The following ANKFN1 variants were observed in gnomAD, a reference collection of about 807,000 sequenced individuals.
ANKFN1 encodes ankyrin repeat and fibronectin type-III domain-containing protein 1.
In ANKFN1, 74 loss-of-function variants were observed where a neutral mutation model predicts 108.7. That is an observed-to-expected ratio of 0.68 (90% confidence interval 0.56 to 0.83). The LOEUF is 0.83. ANKFN1 is among the 40% of genes least tolerant of loss of function. The pLI, the probability that ANKFN1 is intolerant of heterozygous loss-of-function variation, is 0.00. For synonymous variants in ANKFN1, 547 were observed against 516.2 expected (o/e 1.06, Z -0.81); for missense variants, 1,505 against 1,382.3 (o/e 1.09, Z -1.41).
chr17:56,100,732 AG>A (rs1905629921), intron 4 of ANKFN1, among the ~76,000 whole-genome samples: 1 of 152,218 alleles, frequency 6.6e-6, no homozygotes, highest in African/African-American at 2.4e-5. Context: ...CTGAAGCCTT[AG>A]ACCTGAGCAT....
chr17:56,469,875 A>G (rs907033262), intron 15 of ANKFN1, among the ~76,000 whole-genome samples: 2 of 151,542 alleles, frequency 1.3e-5, no homozygotes, highest in Admixed American at 6.6e-5. Context: ...TGCTGCACCT[A>G]TCAATCCATC....
chr17:56,251,923 A>C (rs2043244644), intron 3 of ANKFN1, among the ~76,000 whole-genome samples: 1 of 152,228 alleles, frequency 6.6e-6, no homozygotes, highest in Non-Finnish European at 1.5e-5. Flanking sequence ...TGCTTACTGC[A>C]TGCCTACTCT....
At chr17:56,499,931 T>C (rs1170496037) in intron 20 of ANKFN1, among the ~76,000 whole-genome samples, 4 of 152,210 alleles carry the variant, frequency 2.6e-5, no homozygotes, top group Admixed American at 6.5e-5. Context: ...GCTCCAATTT[T>C]GTAAGCTTCA....
At chr17:56,299,872 G>A (rs2044623642) in intron 3 of ANKFN1, among the ~76,000 whole-genome samples, 1 of 152,146 alleles carries the variant, frequency 6.6e-6, no homozygotes, top group Non-Finnish European at 1.5e-5. Flanking sequence ...TTGGCTAAAT[G>A]AATGAATGAA....
chr17:56,409,217 G>A (rs1012881236), intron 8 of ANKFN1, among the ~76,000 whole-genome samples: 40 of 152,096 alleles, frequency 2.6e-4, no homozygotes, highest in African/African-American at 9.4e-4. Context: ...GAGCCACCAG[G>A]CCTGGCCAAG....
intron 4 of ANKFN1, among the ~76,000 whole-genome samples, chr17:56,334,940 A>G (rs1475983770): frequency 6.6e-6 from 1 of 152,182 alleles, no homozygotes; most frequent in Non-Finnish European, 1.5e-5. Flanking sequence ...AGCTTTCTAC[A>G]TATGGCTAGC....
chr17:56,328,659 A>C (rs2045584624), intron 4 of ANKFN1, among the ~76,000 whole-genome samples: 1 of 152,172 alleles, frequency 6.6e-6, no homozygotes, highest in Non-Finnish European at 1.5e-5. Context: ...CTTTTATGGA[A>C]TATCTGGATT....
intron 8 of ANKFN1, among the ~76,000 whole-genome samples, chr17:56,412,792 T>G (rs1213041594): frequency 6.6e-6 from 1 of 152,170 alleles, no homozygotes; most frequent in Non-Finnish European, 1.5e-5. Flanking sequence ...GATGACCTAT[T>G]GTGGGACTTC....
chr17:56,479,529 G>T (rs17820450), intron 16 of ANKFN1, among the ~76,000 whole-genome samples: 4 of 152,152 alleles, frequency 2.6e-5, no homozygotes, highest in Admixed American at 6.6e-5. Context: ...CTGGGACAAA[G>T]GGTAAATTTT....
At chr17:56,243,635 A>G (rs1917744416) in intron 3 of ANKFN1, among the ~76,000 whole-genome samples, 1 of 152,050 alleles carries the variant, frequency 6.6e-6, no homozygotes, top group Non-Finnish European at 1.5e-5. Flanking sequence ...GCCCTCCCTA[A>G]TTCTAGTCCT....
intron 3 of ANKFN1, among the ~76,000 whole-genome samples, chr17:56,235,699 T>C (rs1917078089): frequency 6.6e-6 from 1 of 152,164 alleles, no homozygotes; most frequent in Non-Finnish European, 1.5e-5. Flanking sequence ...CCTTATTCTG[T>C]TCCATTGGCC....
intron 4 of ANKFN1, among the ~76,000 whole-genome samples, chr17:56,071,156 C>T (rs1346227159): frequency 1.3e-5 from 2 of 152,198 alleles, no homozygotes; most frequent in African/African-American, 2.4e-5. Context: ...TCCTTTCTAA[C>T]ACCACCAACA....
intron 15 of ANKFN1, among the ~76,000 whole-genome samples, chr17:56,476,813 T>G (rs1305847449): frequency 6.6e-6 from 1 of 152,232 alleles, no homozygotes; most frequent in East Asian, 1.9e-4. Flanking sequence ...CAAATATAAG[T>G]AGTATCATTT....
At chr17:56,147,572 T>A (rs1908339795) in intron 4 of ANKFN1, among the ~76,000 whole-genome samples, 1 of 152,162 alleles carries the variant, frequency 6.6e-6, no homozygotes, top group Admixed American at 6.5e-5. Flanking sequence ...TCAGATCTCA[T>A]GAGAACTAAT....
intron 4 of ANKFN1, among the ~76,000 whole-genome samples, chr17:56,061,801 T>C (rs1403429995): frequency 6.6e-6 from 1 of 152,222 alleles, no homozygotes; most frequent in Non-Finnish European, 1.5e-5. Context: ...AGTTTGCTCT[T>C]GCCTCTCTAG....
At position 56,477,578 on chromosome 17, in the gene ANKFN1, A is replaced by G; in HGVS notation, c.1864A>G (p.Ile622Val). Reference protein sequence around the residue: ...YLKLCSSVDQIKVLVTQKLPN... With the variant: ...YLKLCSSVDQVKVLVTQKLPN... ...AAAGCTCTGTAGCTCTGTGGATCAA[A>G]TCAAAGTTCTTGTTACCCAAAAGTT... is the stretch of plus-strand genomic sequence containing the variant. The change falls in exon 16 of 21, where the codon ATC (isoleucine) becomes GTC (valine). Residue 622 changes from isoleucine (I) to valine (V), a missense_variant. Coordinates refer to ENST00000682825, the MANE Select transcript of ANKFN1 (RefSeq NM_001370326.1). The G allele has an allele frequency of 1.2e-6, 2 of 1,613,698 alleles. No individual in the cohort carries two copies. Among genetic ancestry groups the G allele is most frequent in the Non-Finnish European group, 1.7e-6 (2 of 1,179,866 alleles).
chr17:56,351,790 C>A (rs1351888038), intron 5 of ANKFN1, among the ~76,000 whole-genome samples: 1 of 152,122 alleles, frequency 6.6e-6, no homozygotes, highest in Non-Finnish European at 1.5e-5. Flanking sequence ...GAACAGCCCT[C>A]AGTAAAAGCT....
At chr17:56,125,555 A>G (rs1332509984) in intron 4 of ANKFN1, among the ~76,000 whole-genome samples, 1 of 152,228 alleles carries the variant, frequency 6.6e-6, no homozygotes, top group Non-Finnish European at 1.5e-5. Flanking sequence ...CATGTTCCAG[A>G]TACTGGCTAG....
chr17:56,402,952 G>A (rs931747959), intron 8 of ANKFN1, among the ~76,000 whole-genome samples: 1 of 151,848 alleles, frequency 6.6e-6, no homozygotes, highest in South Asian at 2.1e-4. Flanking sequence ...TCTTGCTTTC[G>A]TTTTGACCCA....
Sources: allele counts gnomAD v4.1 joint callset (sites outside exome capture counted in the v4.1 genomes callset), GRCh38; gene constraint gnomAD v4.1.1; transcripts MANE v1.5; gene names NCBI Gene and HGNC (gene_info 2026-07-23, HGNC 2026-07-21).